Variants in B3GALT1 observed in about 807,000 individuals in gnomAD.
B3GALT1 encodes the protein beta-1,3-galactosyltransferase 1.
In B3GALT1, 10 loss-of-function variants were observed where a neutral mutation model predicts 23.2. That is an observed-to-expected ratio of 0.43 (90% CI 0.27 to 0.73). B3GALT1 has a LOEUF of 0.73. Ranked by LOEUF, B3GALT1 falls within the 30% of genes least tolerant of loss-of-function variation. The pLI, the probability that B3GALT1 is intolerant of heterozygous loss-of-function variation, is 0.21. For synonymous variants in B3GALT1, 156 were observed against 141.5 expected (o/e 1.10, Z -0.73); for missense variants, 299 against 405.4 (o/e 0.74, Z 2.25).
At chr2:167,824,738 C>A (rs1689178818) in intron 4 of B3GALT1, among the ~76,000 whole-genome samples, 1 of 152,098 alleles carries the variant, frequency 6.6e-6, no homozygotes, top group African/African-American at 2.4e-5. Flanking sequence ...AGCAGCTGAG[C>A]CAGAGCTGTT....
chr2:167,485,875 C>T (rs1327355622), intron 1 of B3GALT1, among the ~76,000 whole-genome samples: 1 of 152,144 alleles, frequency 6.6e-6, no homozygotes, highest in Non-Finnish European at 1.5e-5. Flanking sequence ...AAAATTTACT[C>T]TCAGGACACA....
At chr2:167,838,325 T>G (rs201366552) in intron 4 of B3GALT1, among the ~76,000 whole-genome samples, 2 of 147,312 alleles carry the variant, frequency 1.4e-5, no homozygotes, top group Non-Finnish European at 3.0e-5. Context: ...ATAGACGCAA[T>G]AAAAAATGAT....
chr2:167,784,221 T>C (rs1250921349), intron 3 of B3GALT1, among the ~76,000 whole-genome samples: 1 of 152,192 alleles, frequency 6.6e-6, no homozygotes, highest in Non-Finnish European at 1.5e-5. Flanking sequence ...CCCCCATCAC[T>C]GCATCTGCAG....
rs1574313592 is a variant in B3GALT1, at chr2:167,872,115, G to C, written c.*2095G>C. 1 of 151,596 alleles carries C rather than the reference G, an allele frequency of 6.6e-6. No homozygotes were observed. The highest frequency in any genetic ancestry group is 2.0e-4 in the East Asian group (1 of 5,126). 9.4% of individuals were successfully genotyped at this position (151,596 alleles called of 1,614,324 possible). On this transcript the variant is annotated 3_prime_UTR_variant, in exon 5 of 5. Transcript: ENST00000392690. Reference sequence around the variant, plus strand: ...GACGGGGTTTCACCGTGTTAGCCAGGATGGTCTCGATCTCCTGACCTCGTG... The same window carrying C: ...GACGGGGTTTCACCGTGTTAGCCAGCATGGTCTCGATCTCCTGACCTCGTG...
intron 1 of B3GALT1, among the ~76,000 whole-genome samples, chr2:167,321,435 C>T (rs1194059122): frequency 1.3e-5 from 2 of 151,784 alleles, no homozygotes; most frequent in African/African-American, 4.8e-5. Context: ...TCCATTGTAC[C>T]ACCTACTTAA....
rs569473244 is a variant in B3GALT1, at chr2:167,861,294, G to C, written c.-229-7517G>C. Reference sequence around the variant, plus strand: ...GTGTATTAAATGAATTTTCAACTTAGGATATTTTCAATCTACAATGTGTTT... The same window carrying C: ...GTGTATTAAATGAATTTTCAACTTACGATATTTTCAATCTACAATGTGTTT... On this transcript the variant is annotated intron_variant, in intron 4 of 4. Coordinates refer to ENST00000392690, the MANE Select transcript of B3GALT1 (RefSeq NM_020981.4). Among the ~76,000 whole-genome samples, 15 of 152,298 alleles carry C rather than the reference G, an allele frequency of 9.8e-5. 1 individual carries two copies. Among genetic ancestry groups the C allele is most frequent in the African/African-American group, 3.6e-4 (15 of 41,564 alleles).
intron 3 of B3GALT1, among the ~76,000 whole-genome samples, chr2:167,703,647 G>C (rs548982610): frequency 6.6e-6 from 1 of 152,250 alleles, no homozygotes; most frequent in African/African-American, 2.4e-5. Flanking sequence ...AAGCAGAAAC[G>C]CTTGGTCACT....
intron 3 of B3GALT1, chr2:167,714,350 T>C: frequency 6.7e-7 from 1 of 1,498,554 alleles, no homozygotes; most frequent in Admixed American, 1.7e-5. Context: ...TTCTCCTCTT[T>C]TATTGGTAAT....
chr2:167,795,363 A>G (rs955634856), intron 3 of B3GALT1, among the ~76,000 whole-genome samples: 8 of 152,182 alleles, frequency 5.3e-5, no homozygotes, highest in Admixed American at 2.6e-4. Context: ...GAAAATTTTA[A>G]TTGGGAAAAG....
At chr2:167,628,867 T>C (rs929817708) in intron 2 of B3GALT1, among the ~76,000 whole-genome samples, 1 of 151,726 alleles carries the variant, frequency 6.6e-6, no homozygotes, top group African/African-American at 2.4e-5. Flanking sequence ...ATATGTCATA[T>C]GATAAATTTT....
chr2:167,586,961 A>T (rs1436103803), intron 2 of B3GALT1, among the ~76,000 whole-genome samples: 1 of 152,212 alleles, frequency 6.6e-6, no homozygotes, highest in Non-Finnish European at 1.5e-5. Flanking sequence ...ACATTGGATG[A>T]TAAAACTTGA....
chr2:167,393,709 C>G (rs924108391), intron 1 of B3GALT1, among the ~76,000 whole-genome samples: 5 of 151,992 alleles, frequency 3.3e-5, no homozygotes, highest in African/African-American at 1.2e-4. Context: ...AATCTTTTGA[C>G]ATAGTATGGT....
intron 1 of B3GALT1, among the ~76,000 whole-genome samples, chr2:167,321,486 A>G (rs575112932): frequency 6.6e-6 from 1 of 152,120 alleles, no homozygotes; most frequent in Non-Finnish European, 1.5e-5. Context: ...TCAGCTTATA[A>G]CATCTCCTGT....
chr2:167,710,134 A>G (rs1007304847), intron 3 of B3GALT1, among the ~76,000 whole-genome samples: 14 of 152,200 alleles, frequency 9.2e-5, no homozygotes, highest in African/African-American at 2.9e-4. Context: ...CAAAGGGTAG[A>G]CTTAAATGTT....
chr2:167,386,699 G>T (rs989694529), intron 1 of B3GALT1, among the ~76,000 whole-genome samples: 1 of 152,166 alleles, frequency 6.6e-6, no homozygotes, highest in African/African-American at 2.4e-5. Flanking sequence ...TGTCTGACAT[G>T]CAAATTCAGC....
intron 1 of B3GALT1, among the ~76,000 whole-genome samples, chr2:167,393,016 C>T (rs565259676): frequency 9.9e-5 from 15 of 152,132 alleles, no homozygotes; most frequent in African/African-American, 2.9e-4. Flanking sequence ...GGGTGGATCA[C>T]GAAGTCAGCA....
At chr2:167,304,503 A>G (rs1317088677) in intron 1 of B3GALT1, among the ~76,000 whole-genome samples, 1 of 152,158 alleles carries the variant, frequency 6.6e-6, no homozygotes, top group Non-Finnish European at 1.5e-5. Flanking sequence ...GAGATCCCAG[A>G]ACCAATTCAG....
At chr2:167,818,224 A>AAAATCTATATTTCTGTTTT in intron 3 of B3GALT1, among the ~76,000 whole-genome samples, 1 of 152,230 alleles carries the variant, frequency 6.6e-6, no homozygotes, top group East Asian at 1.9e-4. Context: ...TCACATTTAA[A>AAAATCTATATTTCTGTTTT]AAATCTATAT....
At chr2:167,668,469 G>T (rs1208384202) in intron 3 of B3GALT1, among the ~76,000 whole-genome samples, 1 of 152,146 alleles carries the variant, frequency 6.6e-6, no homozygotes, top group Non-Finnish European at 1.5e-5. Context: ...GAGCTGTGGT[G>T]GGCTTCACCC....
Sources: gnomAD v4.1 joint callset for allele counts (sites outside exome capture counted in the v4.1 genomes callset) on GRCh38, gnomAD v4.1.1 for gene constraint, MANE v1.5 for transcripts, NCBI Gene and HGNC (gene_info 2026-07-23, HGNC 2026-07-21) for gene names.